Variants in SERINC5 observed in about 807,000 individuals in gnomAD.
SERINC5 encodes the protein chromosome 5 open reading frame 12.
A neutral mutation model predicts 63.1 loss-of-function variants in SERINC5; 41 were observed. The ratio of observed to expected loss-of-function variants is 0.65; its 90% CI spans 0.51 to 0.84. SERINC5 has a LOEUF of 0.84. SERINC5 is among the 40% of genes least tolerant of loss of function. The probability of loss-of-function intolerance (pLI) is 0.00; values close to 1 mark genes in which losing one functional copy is unlikely to be tolerated. For missense variants in SERINC5, 523 were observed against 573.0 expected, an observed-to-expected ratio of 0.91 and a Z score of 0.89; for synonymous variants, 222 against 215.2, an observed-to-expected ratio of 1.03 and a Z score of -0.28.
At chr5:80,163,117 A>T in intron 7 of SERINC5, among the ~76,000 whole-genome samples, 1 of 152,092 alleles carries the variant, frequency 6.6e-6, no homozygotes, top group East Asian at 1.9e-4. Flanking sequence ...GCCCTCCCAA[A>T]GTGCTGGGAT....
intron 1 of SERINC5, among the ~76,000 whole-genome samples, chr5:80,253,473 T>C (rs1022712154): frequency 1.3e-5 from 2 of 152,202 alleles, no homozygotes; most frequent in African/African-American, 4.8e-5. Context: ...AATTATCTTC[T>C]AAGTGCAAAT....
chr5:80,200,840 T>A (rs1749792776), intron 2 of SERINC5, among the ~76,000 whole-genome samples: 1 of 152,044 alleles, frequency 6.6e-6, no homozygotes, highest in Non-Finnish European at 1.5e-5. Context: ...ACGCATGTAA[T>A]CCCAGCACTT....
At chr5:80,137,639 ACT>A (rs765136755), downstream of SERINC5, among the ~76,000 whole-genome samples, 15,364 of 129,784 alleles carry the variant, frequency 0.12, 1,081 homozygotes, top group East Asian at 0.25. Context: ...CAAGACTCTA[ACT>A]CAAAAAAAAA....
At chr5:80,201,886 T>C (rs936628871) in intron 2 of SERINC5, among the ~76,000 whole-genome samples, 8 of 152,190 alleles carry the variant, frequency 5.3e-5, no homozygotes, top group African/African-American at 1.7e-4. Flanking sequence ...TGTGAGAATA[T>C]CAGCTTTATT....
chr5:80,145,886 T>G (rs1733729324), intron 11 of SERINC5, among the ~76,000 whole-genome samples: 1 of 152,200 alleles, frequency 6.6e-6, no homozygotes, highest in Admixed American at 6.5e-5. Flanking sequence ...GGTACATGCA[T>G]GTAATCCCAG....
chr5:80,219,698 T>C (rs746739593), intron 1 of SERINC5, among the ~76,000 whole-genome samples: 3 of 152,140 alleles, frequency 2.0e-5, no homozygotes, highest in Non-Finnish European at 4.4e-5. Flanking sequence ...TGTCATGCAA[T>C]TACCCCTTCG....
chr5:80,167,971 G>C (rs1488530767), intron 6 of SERINC5, among the ~76,000 whole-genome samples: 3 of 152,026 alleles, frequency 2.0e-5, no homozygotes, highest in Non-Finnish European at 4.4e-5. Context: ...GTTGCTCTTT[G>C]GCAAGGGAAT....
rs752884204 is a variant in SERINC5, at chr5:80,255,935, TG to T, written c.-14del. 7.4e-5 allele frequency: 114 copies of T among 1,548,116 alleles called. No homozygotes were observed. The Middle Eastern group carries it at 2.1e-3, about 29-fold the overall frequency. On this transcript the variant is annotated 5_prime_UTR_variant, in exon 1 of 12. Transcript: ENST00000507668. ...ACTGAGCTGACATCGCGGCGGCCAA[TG>T]CCGAAGGCGCGCTCGCTGGCTCCCC... is the stretch of plus-strand genomic sequence containing the variant.
intron 1 of SERINC5, among the ~76,000 whole-genome samples, chr5:80,252,213 C>A (rs1240483324): frequency 6.6e-6 from 1 of 152,008 alleles, no homozygotes; most frequent in African/African-American, 2.4e-5. Context: ...AGGTCGTGCA[C>A]CATCACGCCT....
chr5:80,152,566 G>C (rs1272167519), intron 8 of SERINC5, among the ~76,000 whole-genome samples: 1 of 152,032 alleles, frequency 6.6e-6, no homozygotes, highest in Non-Finnish European at 1.5e-5. Flanking sequence ...AGTTTTCACA[G>C]GGGAAAAGAT....
Position 80,158,879 on chromosome 5 carries a change from T to G in SERINC5, c.943A>C (p.Ile315Leu), listed in dbSNP as rs758882287. 1.2e-6 allele frequency: 2 copies of G among 1,613,762 alleles called. No homozygotes were observed. The change falls in exon 8 of 12, where the codon ATA becomes CTA. Residue 315 changes from isoleucine to leucine, a missense_variant. Ile to Leu is a conservative substitution (Grantham distance 5). Coordinates refer to ENST00000507668, the MANE Select transcript of SERINC5 (RefSeq NM_001174072.3). ...DLYRDENLVT[I>L]LGTSLLIGCI... The stretch of plus-strand genomic sequence containing the variant: ...CCGATTAAGAGGCTGGTCCCCAGTA[T>G]AGTCACCAAGTTTTCATCTCTGTAC...
chr5:80,173,290 A>G (rs891841879), intron 5 of SERINC5, among the ~76,000 whole-genome samples: 1 of 151,522 alleles, frequency 6.6e-6, no homozygotes, highest in Non-Finnish European at 1.5e-5. Context: ...AGAAAATGAA[A>G]TGAAATGAAA....
chr5:80,129,329 C>A (rs1044226776), intron 11 of SERINC5: 1 of 152,294 alleles, frequency 6.6e-6, no homozygotes, highest in African/African-American at 2.4e-5. Flanking sequence ...GACAGGGTCT[C>A]CCTCTGTCAC....
chr5:80,136,687 T>TCC (rs1745190520), downstream of SERINC5, among the ~76,000 whole-genome samples: 1 of 152,150 alleles, frequency 6.6e-6, no homozygotes, highest in African/African-American at 2.4e-5. Context: ...GAGAAAATGC[T>TCC]CGCAAACAAC....
downstream of SERINC5, among the ~76,000 whole-genome samples, chr5:80,111,417 CAA>C (rs1744104214): frequency 1.3e-5 from 2 of 152,164 alleles, no homozygotes; most frequent in Admixed American, 1.3e-4. Context: ...TACAGGAAAG[CAA>C]ACAGTTCCAG....
rs1208322231 is a variant in SERINC5, at chr5:80,202,922, C to A, written c.159G>T (p.Met53Ile). The change falls in exon 2 of 12, where the codon ATG (methionine) becomes ATT (isoleucine). Residue 53 changes from methionine to isoleucine, a missense_variant. Physicochemically the swap from Met to Ile is conservative, Grantham distance 10. Coordinates refer to ENST00000507668, the MANE Select transcript of SERINC5 (RefSeq NM_001174072.3). The part of the protein sequence containing the change: ...FILVVVLCCI[M>I]MSTTVAHKMK... Reference sequence around the variant, plus strand: ...TCTTGTGAGCCACGGTTGTTGACATCATGATGCAGCAGAGGACGACGACCA... The same window carrying A: ...TCTTGTGAGCCACGGTTGTTGACATAATGATGCAGCAGAGGACGACGACCA... 1 of 1,612,734 alleles carries A rather than the reference C, an allele frequency of 6.2e-7. No individual in the cohort carries two copies. The highest frequency in any genetic ancestry group is 8.5e-7 in the Non-Finnish European group (1 of 1,178,964).
At chr5:80,236,530 T>C (rs1031063932) in intron 1 of SERINC5, among the ~76,000 whole-genome samples, 2 of 151,554 alleles carry the variant, frequency 1.3e-5, no homozygotes, top group Non-Finnish European at 2.9e-5. Context: ...CCTAAATCTT[T>C]TTTTTTTTTT....
At chr5:80,152,895 T>G (rs1212672783) in intron 8 of SERINC5, among the ~76,000 whole-genome samples, 1 of 152,130 alleles carries the variant, frequency 6.6e-6, no homozygotes, top group African/African-American at 2.4e-5. Context: ...TGAGCTGAGA[T>G]CACGCTACTG....
chr5:80,186,745 G>A (rs1354751618), intron 2 of SERINC5, among the ~76,000 whole-genome samples: 1 of 152,158 alleles, frequency 6.6e-6, no homozygotes, highest in Non-Finnish European at 1.5e-5. Flanking sequence ...AATTGGCCAG[G>A]GGCCCAGATG....
Sources: gnomAD v4.1 joint callset for allele counts (sites outside exome capture counted in the v4.1 genomes callset) on GRCh38, gnomAD v4.1.1 for gene constraint, MANE v1.5 for transcripts, NCBI Gene and HGNC (gene_info 2026-07-23, HGNC 2026-07-21) for gene names.